Variants in ANO10 observed in about 807,000 individuals in gnomAD.
ANO10 encodes the protein anoctamin-10.
In ANO10, 77 loss-of-function variants were observed where a neutral mutation model predicts 74.7. That is an observed-to-expected ratio of 1.03 (90% CI 0.86 to 1.25). The LOEUF (loss-of-function observed/expected upper bound fraction) is 1.25, where lower values mean the gene tolerates loss of function less well. Among genes scored for constraint, ANO10 ranks in the 50% most tolerant of loss-of-function variants. The probability of loss-of-function intolerance (pLI) is 0.00; values close to 1 mark genes in which losing one functional copy is unlikely to be tolerated. For missense variants in ANO10, 721 were observed against 778.1 expected (o/e 0.93, Z 0.87); for synonymous variants, 279 against 284.9 (o/e 0.98, Z 0.21).
intron 11 of ANO10, among the ~76,000 whole-genome samples, chr3:43,516,903 A>G (rs2077735592): frequency 6.6e-6 from 1 of 152,186 alleles, no homozygotes; most frequent in South Asian, 2.1e-4. Flanking sequence ...CAGGGAGGTG[A>G]CATGCCTTCT....
chr3:43,684,985 G>A (rs2084256587), intron 1 of ANO10, among the ~76,000 whole-genome samples: 1 of 152,180 alleles, frequency 6.6e-6, no homozygotes, highest in Non-Finnish European at 1.5e-5. Context: ...AATGTTAAAC[G>A]AAGAGTTAAT....
At chr3:43,588,417 T>C (rs1193089551) in intron 4 of ANO10, among the ~76,000 whole-genome samples, 1 of 152,042 alleles carries the variant, frequency 6.6e-6, no homozygotes, top group East Asian at 1.9e-4. Flanking sequence ...GGAAAAAAGA[T>C]GGCATAGCCT....
At chr3:43,656,780 A>C (rs1376015860) in intron 1 of ANO10, among the ~76,000 whole-genome samples, 3 of 152,202 alleles carry the variant, frequency 2.0e-5, no homozygotes, top group Admixed American at 6.5e-5. Context: ...AGTGCTGCAC[A>C]CAGCCCGGGT....
chr3:43,580,446 C>T lies in ANO10; in HGVS notation c.499G>A (p.Val167Met), dbSNP rs755350106. ...LLRRLLTSGI[V>M]IQVFPLHDSE... ...TCATGCAGTGGAAACACCTGAATCA[C>T]GATGCCAGACGTGAGCAATCTTCTC... is the stretch of plus-strand genomic sequence containing the variant. The change falls in exon 5 of 13, where the codon GTG (valine) becomes ATG (methionine). Residue 167 changes from valine to methionine, a missense_variant. Transcript: ENST00000292246. The T allele has an allele frequency of 4.3e-6, 7 of 1,613,710 alleles. No homozygotes were observed. The highest frequency in any genetic ancestry group is 1.1e-5 in the South Asian group (1 of 91,014).
chr3:43,476,611 T>A (rs2076075045), intron 11 of ANO10, among the ~76,000 whole-genome samples: 1 of 152,218 alleles, frequency 6.6e-6, no homozygotes, highest in South Asian at 2.1e-4. Flanking sequence ...CTTTTCCTTT[T>A]CTTGGTTTAT....
chr3:43,389,267 G>C (rs1223853240), intron 12 of ANO10, among the ~76,000 whole-genome samples: 1 of 152,168 alleles, frequency 6.6e-6, no homozygotes, highest in East Asian at 1.9e-4. Context: ...CTTATATGAA[G>C]CCAAGAACAG....
chr3:43,643,850 A>T (rs1039229901), intron 1 of ANO10, among the ~76,000 whole-genome samples: 12 of 150,170 alleles, frequency 8.0e-5, no homozygotes, highest in African/African-American at 3.0e-4. Context: ...CGCCCAGCTA[A>T]TTTTTTTGTA....
At chr3:43,639,502 C>T (rs1292261806) in intron 1 of ANO10, among the ~76,000 whole-genome samples, 3 of 152,190 alleles carry the variant, frequency 2.0e-5, no homozygotes, top group East Asian at 1.9e-4. Flanking sequence ...CAGTGGCTCA[C>T]GCCTGTAATC....
intron 11 of ANO10, among the ~76,000 whole-genome samples, chr3:43,484,158 C>T (rs1285299813): frequency 1.3e-5 from 2 of 152,032 alleles, no homozygotes; most frequent in African/African-American, 2.4e-5. Context: ...GTCTCAATCT[C>T]CTGGGCTCAA....
In ANO10 at chr3:43,366,448, C is replaced by T; in HGVS notation, c.*458G>A. 1 of 269,220 alleles carries T rather than the reference C, an allele frequency of 3.7e-6. No homozygotes were observed. The highest frequency in any genetic ancestry group is 4.4e-5 in the South Asian group (1 of 22,852). The allele number at this position is 269,220 out of a possible 1,614,324, so 16.7% of individuals were successfully genotyped here. A position where few individuals can be genotyped will look rare whatever the true frequency, so the allele number is the denominator to read the frequency against. On this transcript the variant is annotated 3_prime_UTR_variant, in exon 13 of 13. Coordinates refer to ENST00000292246, the MANE Select transcript of ANO10 (RefSeq NM_018075.5). ...AAGAGGTCCAGTGTGGGAAGCACTG[C>T]CTTACTGTACCCCGCTCACTCTCAA...
intron 8 of ANO10, among the ~76,000 whole-genome samples, chr3:43,564,786 T>G (rs1381322544): frequency 6.6e-6 from 1 of 152,208 alleles, no homozygotes; most frequent in East Asian, 1.9e-4. Context: ...TCTCCACTTT[T>G]CTCAGATAGA....
chr3:43,569,144 T>A (rs1370227578), intron 7 of ANO10, among the ~76,000 whole-genome samples: 4 of 149,230 alleles, frequency 2.7e-5, no homozygotes, highest in African/African-American at 1.0e-4. Flanking sequence ...AAGAAGAAGT[T>A]GAATCTCTGA....
chr3:43,474,986 G>C (rs1427827808), intron 11 of ANO10, among the ~76,000 whole-genome samples: 1 of 152,068 alleles, frequency 6.6e-6, no homozygotes, highest in African/African-American at 2.4e-5. Context: ...AAGAAACACA[G>C]AAAAGCCAAA....
At chr3:43,410,974 G>C (rs982459503) in intron 12 of ANO10, among the ~76,000 whole-genome samples, 2 of 151,820 alleles carry the variant, frequency 1.3e-5, no homozygotes, top group Non-Finnish European at 2.9e-5. Flanking sequence ...GCAGAAGATA[G>C]CACCTCCCTC....
intron 4 of ANO10, among the ~76,000 whole-genome samples, chr3:43,588,475 TG>T (rs2081577745): frequency 6.6e-6 from 1 of 151,810 alleles, no homozygotes; most frequent in Non-Finnish European, 1.5e-5. Flanking sequence ...CAACATAAAA[TG>T]TAACATCAAC....
chr3:43,688,471 T>C (rs1392270051), intron 1 of ANO10, among the ~76,000 whole-genome samples: 1 of 152,210 alleles, frequency 6.6e-6, no homozygotes. Flanking sequence ...AACCCCAGTT[T>C]TGGGAAGGCC....
At chr3:43,449,436 T>C (rs941120105) in intron 11 of ANO10, among the ~76,000 whole-genome samples, 12 of 151,862 alleles carry the variant, frequency 7.9e-5, no homozygotes, top group African/African-American at 2.9e-4. Flanking sequence ...AGAAGTTTTA[T>C]AGTTTTGTGT....
chr3:43,442,214 T>TCC (rs2093170487), intron 11 of ANO10, among the ~76,000 whole-genome samples: 1 of 151,934 alleles, frequency 6.6e-6, no homozygotes, highest in African/African-American at 2.4e-5. Flanking sequence ...GTATCCAAAT[T>TCC]GGAAAGTAGT....
chr3:43,530,452 G>A (rs1442965825), intron 11 of ANO10, among the ~76,000 whole-genome samples: 1 of 148,890 alleles, frequency 6.7e-6, no homozygotes, highest in Non-Finnish European at 1.5e-5. Context: ...TTTTATATAT[G>A]GTATATATAA....
Sources: allele counts gnomAD v4.1 joint callset (sites outside exome capture counted in the v4.1 genomes callset), GRCh38; gene constraint gnomAD v4.1.1; transcripts MANE v1.5; gene names NCBI Gene and HGNC (gene_info 2026-07-23, HGNC 2026-07-21).